CD38: variants seen among roughly 807,000 people sequenced by gnomAD.
CD38 encodes the protein CD38 molecule, also known as ADP-ribosyl cyclase/cyclic ADP-ribose hydrolase 1.
A neutral mutation model predicts 36.3 loss-of-function variants in CD38; 31 were observed. That is an observed-to-expected ratio of 0.85 (90% CI 0.64 to 1.15). The LOEUF is 1.15. CD38 is among the 50% of genes most tolerant of loss of function. The probability of loss-of-function intolerance (pLI) is 0.00; values close to 1 mark genes in which losing one functional copy is unlikely to be tolerated. For synonymous variants in CD38, 131 were observed against 135.2 expected (o/e 0.97, Z 0.22); for missense variants, 380 against 371.9 (o/e 1.02, Z -0.18).
At chr4:15,804,588 T>A (rs1393498954) in intron 1 of CD38, among the ~76,000 whole-genome samples, 1 of 152,078 alleles carries the variant, frequency 6.6e-6, no homozygotes, top group African/African-American at 2.4e-5. Context: ...AATGCAGCCA[T>A]AAAAGAGAAT....
intron 1 of CD38, among the ~76,000 whole-genome samples, chr4:15,803,779 G>A (rs1723278610): frequency 6.6e-6 from 1 of 152,008 alleles, no homozygotes; most frequent in South Asian, 2.1e-4. Context: ...CCCAATATGT[G>A]GTTTTGCAAC....
At chr4:15,825,530 A>C (rs1057111778) in intron 3 of CD38, 2 of 152,948 alleles carry the variant, frequency 1.3e-5, no homozygotes, top group Non-Finnish European at 2.9e-5. Context: ...GAATTTCAAC[A>C]TAAGGTTTGG....
chr4:15,780,516 TCTCACACACA>T lies in CD38; in HGVS notation c.233+1871_233+1880del, dbSNP rs909680663. On this transcript the variant is annotated intron_variant, in intron 1 of 7. Coordinates refer to ENST00000226279, the MANE Select transcript of CD38 (RefSeq NM_001775.4). ...TATATATTTTAGATAATATTCTCTC[TCTCACACACA>T]CACACACACACACACACACACACAC... Among the ~76,000 whole-genome samples, 7 of 112,448 alleles carry T rather than the reference TCTCACACACA, an allele frequency of 6.2e-5. No individual in the cohort carries two copies. In the East Asian group the frequency reaches 1.0e-3, roughly 16 times the overall value. 73.8% of individuals were successfully genotyped at this position (112,448 alleles called of 152,430 possible).
In CD38 at chr4:15,850,325, A is replaced by T. The variant is rs1724357454; in HGVS notation, c.*1723A>T. 6.6e-6 allele frequency: 1 copy of T among 152,106 alleles called. No individual in the cohort carries two copies. The highest frequency in any genetic ancestry group is 6.6e-5 in the Admixed American group (1 of 15,264). The allele number at this position is 152,106 out of a possible 1,614,324, so 9.4% of individuals were successfully genotyped here. On this transcript the variant is annotated 3_prime_UTR_variant, in exon 8 of 8. Transcript: ENST00000226279. ...ATAAAAGCAAAAATAAAGAAAATAA[A>T]CCATATGTGTTGAACAAAGGATTAA...
At chr4:15,784,287 A>G (rs532462751) in intron 1 of CD38, among the ~76,000 whole-genome samples, 2 of 152,352 alleles carry the variant, frequency 1.3e-5, no homozygotes, top group East Asian at 3.9e-4. Context: ...GGTGGGGCAG[A>G]GTCAGGAAGC....
intron 1 of CD38, among the ~76,000 whole-genome samples, chr4:15,813,772 A>G (rs1340153709): frequency 6.6e-6 from 1 of 152,226 alleles, no homozygotes; most frequent in Non-Finnish European, 1.5e-5. Flanking sequence ...TGCAAAGGAC[A>G]TAAACTCATT....
At chr4:15,834,813 T>C (rs535957977) in intron 4 of CD38, among the ~76,000 whole-genome samples, 1 of 152,298 alleles carries the variant, frequency 6.6e-6, no homozygotes, top group South Asian at 2.1e-4. Flanking sequence ...GTAAGAGGCA[T>C]ATGTGGGAGT....
chr4:15,834,375 G>C, intron 4 of CD38, 73 bp downstream of exon 4: 1 of 879,698 alleles, frequency 1.1e-6, no homozygotes, highest in South Asian at 1.4e-5. Flanking sequence ...TCAGTGCTTG[G>C]TTTTAACACT....
At chr4:15,805,898 C>T (rs1723330734) in intron 1 of CD38, among the ~76,000 whole-genome samples, 1 of 152,154 alleles carries the variant, frequency 6.6e-6, no homozygotes, top group African/African-American at 2.4e-5. Context: ...AGACAGCCTG[C>T]CCTATGGGAA....
rs1477282970 is a variant in CD38, at chr4:15,848,825, G to T, written c.*223G>T. 5.2e-6 allele frequency: 2 copies of T among 387,152 alleles called. No homozygotes were observed. The highest frequency in any genetic ancestry group is 9.3e-6 in the Non-Finnish European group (2 of 215,910). 24.0% of individuals were successfully genotyped at this position (387,152 alleles called of 1,614,324 possible). A position where few individuals can be genotyped will look rare whatever the true frequency, so the allele number is the denominator to read the frequency against. On this transcript the variant is annotated 3_prime_UTR_variant, in exon 8 of 8. Coordinates refer to ENST00000226279, the MANE Select transcript of CD38 (RefSeq NM_001775.4). ...ATAGTCAAGAAAAATTATTGTATAA[G>T]ATTAGAATGAAAATTGTATGTTAAG...
intron 2 of CD38, among the ~76,000 whole-genome samples, chr4:15,819,191 G>T (rs1027835050): frequency 2.9e-4 from 44 of 152,166 alleles, no homozygotes; most frequent in Non-Finnish European, 7.3e-5. Flanking sequence ...TGTCAGGGGT[G>T]GGTGCTAGGG....
Position 15,839,415 on chromosome 4 carries a change from C to CTTTTTT in CD38, c.660-590_660-585dup, listed in dbSNP as rs560134404. ...TTATAGTGGTTGAAATTCTACATTT[C>CTTTTTT]TTTTTTTTTTTTTTTTTTTTTTTTT... On this transcript the variant is annotated intron_variant, in intron 5 of 7. Transcript: ENST00000226279. 1.7e-4 allele frequency among the ~76,000 whole-genome samples: 15 copies of CTTTTTT among 88,072 alleles called. 1 individual carries two copies. The highest frequency in any genetic ancestry group is 4.5e-4 in the African/African-American group (9 of 19,892). 57.8% of individuals were successfully genotyped at this position (88,072 alleles called of 152,430 possible).
chr4:15,826,190 C>T (rs1723840792), intron 3 of CD38: 1 of 152,128 alleles, frequency 6.6e-6, no homozygotes, highest in East Asian at 1.9e-4. Flanking sequence ...TTTCCCTTCA[C>T]CTCCTACCTC....
chr4:15,785,712 G>C (rs1359794974), intron 1 of CD38, among the ~76,000 whole-genome samples: 1 of 152,188 alleles, frequency 6.6e-6, no homozygotes, highest in African/African-American at 2.4e-5. Flanking sequence ...TACATAGTTG[G>C]TTCTTTTTAA....
intron 1 of CD38, among the ~76,000 whole-genome samples, chr4:15,798,377 C>T (rs1431970403): frequency 6.6e-6 from 1 of 152,170 alleles, no homozygotes. Flanking sequence ...GAACAGAGGG[C>T]AGGGAGAGGG....
rs748454540 is a variant in CD38, at chr4:15,840,500, C to T, written c.801C>T (p.Ser267=). 8.7e-6 allele frequency: 14 copies of T among 1,604,606 alleles called. No homozygotes were observed. Among genetic ancestry groups the T allele is most frequent in the Non-Finnish European group, 1.2e-5 (14 of 1,172,156 alleles). Residue 267 remains serine, a synonymous_variant, in exon 7 of 8, where the codon AGC becomes AGT. Transcript: ENST00000226279. The stretch of plus-strand genomic sequence containing the variant: ...TAAAAGAGCTGGAATCGATTATAAG[C>T]AAAAGGAATATTCAATTTTCCTGCA... ...PTIKELESII[S]KRNIQFSCKN... is the part of the protein sequence containing the mutation.
At chr4:15,840,296 T>C (rs1164430832) in intron 6 of CD38, among the ~76,000 whole-genome samples, 156 bp from the exon 7 acceptor site, 1 of 152,190 alleles carries the variant, frequency 6.6e-6, no homozygotes, top group Non-Finnish European at 1.5e-5. Context: ...TGCTTGACAC[T>C]TCAGCTCTCC....
intron 1 of CD38, among the ~76,000 whole-genome samples, chr4:15,780,528 AC>A: frequency 6.9e-6 from 1 of 144,206 alleles, no homozygotes; most frequent in East Asian, 2.0e-4. Context: ...TCACACACAC[AC>A]ACACACACAC....
At position 15,848,540 on chromosome 4, in the gene CD38, C is replaced by A; in HGVS notation, c.841C>A (p.Pro281Thr). Residue 281 changes from proline to threonine, a missense_variant and splice_region_variant, in exon 8 of 8, where the codon CCT (proline) becomes ACT (threonine). Coordinates refer to ENST00000226279, the MANE Select transcript of CD38 (RefSeq NM_001775.4). ...IQFSCKNIYRPDKFLQCVKNP... is the reference protein window; with the variant it reads ...IQFSCKNIYRTDKFLQCVKNP... ...TCCTTTTTTGCTTTCTTGTCATAGA[C>A]CTGACAAGTTTCTTCAGTGTGTGAA... 6.2e-7 allele frequency: 1 copy of A among 1,611,100 alleles called. No homozygotes were observed. Among genetic ancestry groups the A allele is most frequent in the South Asian group, 1.1e-5 (1 of 90,984 alleles).
Sources: allele counts gnomAD v4.1 joint callset (sites outside exome capture counted in the v4.1 genomes callset), GRCh38; gene constraint gnomAD v4.1.1; transcripts MANE v1.5; gene names NCBI Gene and HGNC (gene_info 2026-07-23, HGNC 2026-07-21).